Variants in POLN observed in about 807,000 individuals in gnomAD.
POLN encodes the protein DNA polymerase N.
A neutral mutation model predicts 113.5 loss-of-function variants in POLN; 108 were observed. That is an observed-to-expected ratio of 0.95 (90% CI 0.81 to 1.12). The LOEUF (loss-of-function observed/expected upper bound fraction) is 1.12, where lower values mean the gene tolerates loss of function less well. Ranked by LOEUF, POLN falls within the 50% of genes most tolerant of loss-of-function variation. The pLI is 0.00. For synonymous variants in POLN, 386 were observed against 391.5 expected (o/e 0.99, Z 0.17); for missense variants, 1,097 against 1,077.1 (o/e 1.02, Z -0.26).
At chr4:2,082,684 A>G (rs1730450399) in intron 21 of POLN, 2 of 152,214 alleles carry the variant, frequency 1.3e-5, no homozygotes, top group African/African-American at 4.8e-5. Flanking sequence ...TACCTACTAC[A>G]TGCCAGGCAA....
At chr4:2,094,530 TTTAAG>T (rs1194803557) in intron 20 of POLN, among the ~76,000 whole-genome samples, 1 of 152,042 alleles carries the variant, frequency 6.6e-6, no homozygotes, top group Non-Finnish European at 1.5e-5. Context: ...TGTGTATTAT[TTTAAG>T]TTACTACATT....
chr4:2,210,895 T>C (rs943460609), intron 4 of POLN, among the ~76,000 whole-genome samples: 1 of 141,712 alleles, frequency 7.1e-6, no homozygotes, highest in Non-Finnish European at 1.5e-5. Flanking sequence ...CACTCCTGCC[T>C]TGGTGACAGA....
In POLN at chr4:2,241,684, G is replaced by A. The variant is rs1290017998; in HGVS notation, c.-177C>T. ...CGCCAGGGCCGCGCGAACCCCAGAG[G>A]CAGCGGCAAGCCCCAGGGATCCGCG... On this transcript the variant is annotated 5_prime_UTR_variant, in exon 2 of 26. Coordinates refer to ENST00000511885, the MANE Select transcript of POLN (RefSeq NM_181808.4). 5 of 985,410 alleles carry A rather than the reference G, an allele frequency of 5.1e-6. No homozygotes were observed. The highest frequency in any genetic ancestry group is 1.7e-5 in the African/African-American group (1 of 57,258). The allele number at this position is 985,410 out of a possible 1,614,324, so 61.0% of individuals were successfully genotyped here.
intron 25 of POLN, 28 bp downstream of exon 25, chr4:2,072,940 G>A: frequency 2.5e-6 from 4 of 1,610,944 alleles, no homozygotes; most frequent in Non-Finnish European, 3.4e-6. Context: ...GGCTCCGGAA[G>A]ACCGGGCAGG....
At chr4:2,124,448 A>G (rs540787796) in intron 19 of POLN, among the ~76,000 whole-genome samples, 1 of 152,182 alleles carries the variant, frequency 6.6e-6, no homozygotes, top group South Asian at 2.1e-4. Flanking sequence ...ATTTAAAAAA[A>G]AATTTTTTTT....
chr4:2,176,712 C>T (rs145946672), intron 8 of POLN, among the ~76,000 whole-genome samples: 1 of 152,276 alleles, frequency 6.6e-6, no homozygotes, highest in East Asian at 1.9e-4. Flanking sequence ...ATTCTCTCAG[C>T]CTTACCACCT....
intron 19 of POLN, among the ~76,000 whole-genome samples, chr4:2,112,735 A>G (rs919205408): frequency 6.6e-6 from 1 of 152,186 alleles, no homozygotes; most frequent in Non-Finnish European, 1.5e-5. Flanking sequence ...GTCAGGAAAC[A>G]ACAGGTGCTG....
chr4:2,095,237 A>C (rs1358511478), intron 20 of POLN, among the ~76,000 whole-genome samples: 1 of 151,946 alleles, frequency 6.6e-6, no homozygotes, highest in African/African-American at 2.4e-5. Flanking sequence ...GGGAAGCAAA[A>C]AGGGGAGGGG....
chr4:2,133,397 C>A (rs756875496), intron 16 of POLN, among the ~76,000 whole-genome samples: 1 of 152,062 alleles, frequency 6.6e-6, no homozygotes. Context: ...TCACAACAGT[C>A]GAGATATGGA....
intron 19 of POLN, among the ~76,000 whole-genome samples, chr4:2,111,169 G>C (rs1428904172): frequency 6.6e-6 from 1 of 152,140 alleles, no homozygotes; most frequent in Non-Finnish European, 1.5e-5. Flanking sequence ...ATGTAGAAAA[G>C]GCCTTTGACA....
At chr4:2,171,680 C>T (rs577050517) in intron 11 of POLN, among the ~76,000 whole-genome samples, 39 of 151,956 alleles carry the variant, frequency 2.6e-4, no homozygotes, top group Middle Eastern at 3.4e-3. Flanking sequence ...TGGTTCACAC[C>T]GGTGATCCCA....
In POLN at chr4:2,089,167, C is replaced by T. The variant is rs754807787; in HGVS notation, c.2066-3423G>A. ...AATATTTGAATCTATTCCAGGAGAC[C>T]TCACTTCAGATAAACTGACCTCAAA... On this transcript the variant is annotated intron_variant, in intron 20 of 25. Coordinates refer to ENST00000511885, the MANE Select transcript of POLN (RefSeq NM_181808.4). 4.7e-5 allele frequency: 67 copies of T among 1,438,154 alleles called. 1 individual carries two copies. The highest frequency in any genetic ancestry group is 5.9e-5 in the Non-Finnish European group (62 of 1,044,888). The allele number at this position is 1,438,154 out of a possible 1,614,324, so 89.1% of individuals were successfully genotyped here. A position where few individuals can be genotyped will look rare whatever the true frequency, so the allele number is the denominator to read the frequency against.
intron 23 of POLN, 21 bp downstream of exon 23, chr4:2,080,936 TG>T (rs934728225): frequency 6.2e-7 from 1 of 1,613,632 alleles, no homozygotes; most frequent in African/African-American, 1.3e-5. Context: ...ATCCAAGCCC[TG>T]GGAGACCACC....
intron 3 of POLN, among the ~76,000 whole-genome samples, chr4:2,221,074 GGGT>G (rs1734242506): frequency 6.6e-6 from 1 of 152,096 alleles, no homozygotes; most frequent in Non-Finnish European, 1.5e-5. Flanking sequence ...GAAGCGCTCA[GGGT>G]GGGGCCATTT....
At chr4:2,219,948 C>T (rs1433240807) in intron 3 of POLN, among the ~76,000 whole-genome samples, 1 of 152,140 alleles carries the variant, frequency 6.6e-6, no homozygotes, top group East Asian at 1.9e-4. Flanking sequence ...AACCTTAGTT[C>T]CACCTGCCTT....
intron 22 of POLN, 87 bp downstream of exon 22, chr4:2,081,546 G>T: frequency 7.9e-7 from 1 of 1,267,850 alleles, no homozygotes; most frequent in South Asian, 1.3e-5. Context: ...TACCGCAACA[G>T]TGATCGGTGG....
chr4:2,234,831 C>T (rs76988476), intron 2 of POLN, among the ~76,000 whole-genome samples: 6,201 of 152,190 alleles, frequency 0.041, 461 homozygotes, highest in African/African-American at 0.14. Context: ...CTGGATATAA[C>T]TTATAAAATA....
intron 23 of POLN, among the ~76,000 whole-genome samples, chr4:2,075,804 G>T (rs941843241): frequency 3.3e-5 from 5 of 152,232 alleles, no homozygotes; most frequent in African/African-American, 9.6e-5. Context: ...AGGGAGACAG[G>T]CTGGTTGGAA....
At chr4:2,075,360 C>T in intron 24 of POLN, 92 bp downstream of exon 24, 4 of 1,379,038 alleles carry the variant, frequency 2.9e-6, no homozygotes, top group South Asian at 2.5e-5. Flanking sequence ...GGGAAGACAG[C>T]TGAGGGGCTT....
Sources: allele counts gnomAD v4.1 joint callset (sites outside exome capture counted in the v4.1 genomes callset), GRCh38; gene constraint gnomAD v4.1.1; transcripts MANE v1.5; gene names NCBI Gene and HGNC (gene_info 2026-07-23, HGNC 2026-07-21).